The following GLI3 variants were observed in gnomAD, a reference collection of about 807,000 sequenced individuals.
GLI3 encodes transcription activator GLI3.
Under a neutral mutation model 100.8 loss-of-function variants are expected in GLI3, and 20 were observed. The ratio of observed to expected loss-of-function variants is 0.20; its 90% CI spans 0.14 to 0.29. The LOEUF is 0.29. GLI3 is among the 10% of genes least tolerant of loss of function. The pLI, the probability that GLI3 is intolerant of heterozygous loss-of-function variation, is 1.00. For synonymous variants in GLI3, 938 were observed against 860.5 expected (o/e 1.09, Z -1.58); for missense variants, 2,040 against 2,128.5 (o/e 0.96, Z 0.82).
At chr7:42,223,357 A>G (rs1788525555) in intron 1 of GLI3, 62 bp from the exon 2 acceptor site, 3 of 955,994 alleles carry the variant, frequency 3.1e-6, no homozygotes, top group South Asian at 1.4e-5. Flanking sequence ...AAAACTTTCA[A>G]AAGTCCACTT....
intron 3 of GLI3, among the ~76,000 whole-genome samples, chr7:42,133,515 T>G (rs1786346165): frequency 6.6e-6 from 1 of 152,200 alleles, no homozygotes; most frequent in South Asian, 2.1e-4. Context: ...ACAGGAGGGC[T>G]GACACTACAT....
At position 42,110,606 on chromosome 7, in the gene GLI3, C is replaced by A. The variant is rs140208816; in HGVS notation, c.368-33749G>T. Among the ~76,000 whole-genome samples, 10 of 152,340 alleles carry A rather than the reference C, an allele frequency of 6.6e-5. No individual in the cohort carries two copies. The East Asian group carries it at 1.9e-3, about 29-fold the overall frequency. ...CAAAAACACATGCCCTGCACAGCAT[C>A]TACAAAACACAGGAAGCCAACACTT... On this transcript the variant is annotated intron_variant, in intron 3 of 14. Coordinates refer to ENST00000395925, the MANE Select transcript of GLI3 (RefSeq NM_000168.6).
At chr7:41,976,413 T>C (rs1787515620) in intron 12 of GLI3, among the ~76,000 whole-genome samples, 1 of 152,214 alleles carries the variant, frequency 6.6e-6, no homozygotes, top group Non-Finnish European at 1.5e-5. Flanking sequence ...TTAATCCCTT[T>C]AGAGATGTTT....
chr7:42,158,749 C>T (rs28461618), intron 2 of GLI3, among the ~76,000 whole-genome samples: 46,075 of 151,918 alleles, frequency 0.3, 7,157 homozygotes, highest in Non-Finnish European at 0.33. Flanking sequence ...CCTCGGCCTC[C>T]CAAAGTGTGG....
intron 3 of GLI3, among the ~76,000 whole-genome samples, chr7:42,090,541 T>C (rs1785195786): frequency 6.6e-6 from 1 of 152,178 alleles, no homozygotes; most frequent in Admixed American, 6.5e-5. Context: ...AGTCAACAAC[T>C]TTATGTGGGT....
At chr7:42,053,893 A>G (rs1310803175) in intron 4 of GLI3, among the ~76,000 whole-genome samples, 1 of 152,220 alleles carries the variant, frequency 6.6e-6, no homozygotes, top group Non-Finnish European at 1.5e-5. Context: ...TCTGGGCACC[A>G]GAGATTCCCA....
At chr7:42,220,466 C>T (rs1788464376) in intron 2 of GLI3, among the ~76,000 whole-genome samples, 1 of 152,114 alleles carries the variant, frequency 6.6e-6, no homozygotes, top group African/African-American at 2.4e-5. Context: ...TCCTGCACCC[C>T]ACGAGCTCTA....
chr7:42,187,486 A>T (rs1787740343), intron 2 of GLI3, among the ~76,000 whole-genome samples: 1 of 152,072 alleles, frequency 6.6e-6, no homozygotes, highest in African/African-American at 2.4e-5. Context: ...TGGTATTATT[A>T]ATTTTCTAAT....
chr7:42,034,930 C>A (rs192746140), intron 7 of GLI3, among the ~76,000 whole-genome samples: 306 of 152,180 alleles, frequency 2.0e-3, no homozygotes, highest in African/African-American at 7.1e-3. Context: ...ATTTGTGTAG[C>A]CCCCATTCCC....
At position 42,226,110 on chromosome 7, in the gene GLI3, A is replaced by G. The variant is rs188768140; in HGVS notation, c.-42-2815T>C. Among the ~76,000 whole-genome samples the G allele has an allele frequency of 5.7e-3, 874 of 152,316 alleles. 5 individuals are homozygous for G. Among genetic ancestry groups the G allele is most frequent in the African/African-American group, 0.02 (821 of 41,550 alleles). On this transcript the variant is annotated intron_variant, in intron 1 of 14. Coordinates refer to ENST00000395925, the MANE Select transcript of GLI3 (RefSeq NM_000168.6). Reference sequence around the variant, plus strand: ...TAGCAGAAATATTTAATTGATCCAAACACTCCATTCTTAGCCATTGGGATA... The same window carrying G: ...TAGCAGAAATATTTAATTGATCCAAGCACTCCATTCTTAGCCATTGGGATA...
intron 1 of GLI3, among the ~76,000 whole-genome samples, chr7:42,246,101 G>A (rs1035922697): frequency 6.6e-6 from 1 of 152,142 alleles, no homozygotes; most frequent in Non-Finnish European, 1.5e-5. Flanking sequence ...ACTGTGCTAG[G>A]CACCCTCTTC....
chr7:42,171,428 C>T (rs1234138817), intron 2 of GLI3, among the ~76,000 whole-genome samples: 1 of 152,144 alleles, frequency 6.6e-6, no homozygotes, highest in African/African-American at 2.4e-5. Flanking sequence ...GTGAATACAT[C>T]CACAAGTAGA....
intron 4 of GLI3, among the ~76,000 whole-genome samples, chr7:42,056,635 A>T (rs545199214): frequency 1.9e-4 from 29 of 152,240 alleles, no homozygotes; most frequent in African/African-American, 6.7e-4. Context: ...ATGATGAAAC[A>T]TTACTTCAAG....
intron 3 of GLI3, among the ~76,000 whole-genome samples, chr7:42,116,848 TG>T (rs1417011567): frequency 8.0e-6 from 1 of 125,634 alleles, no homozygotes; most frequent in Non-Finnish European, 1.6e-5. Flanking sequence ...CCTCTTATTA[TG>T]GTCTCATAAG....
At chr7:42,220,550 G>C (rs1219114113) in intron 2 of GLI3, among the ~76,000 whole-genome samples, 1 of 152,184 alleles carries the variant, frequency 6.6e-6, no homozygotes, top group Non-Finnish European at 1.5e-5. Context: ...GGCAGCAGGT[G>C]ACCAGGTTGC....
intron 3 of GLI3, among the ~76,000 whole-genome samples, chr7:42,083,054 T>G (rs909254169): frequency 6.6e-6 from 1 of 152,174 alleles, no homozygotes; most frequent in Non-Finnish European, 1.5e-5. Context: ...ACAATCCAAT[T>G]ATACTCTCTT....
intron 4 of GLI3, among the ~76,000 whole-genome samples, chr7:42,053,736 G>A (rs1325297432): frequency 2.6e-5 from 4 of 152,106 alleles, no homozygotes; most frequent in African/African-American, 9.7e-5. Flanking sequence ...CACAAACCAG[G>A]GAGGAAAGAA....
At chr7:42,025,165 G>A (rs1247553930) in intron 9 of GLI3, 99 bp downstream of exon 9, 10 of 787,204 alleles carry the variant, frequency 1.3e-5, no homozygotes, top group South Asian at 2.8e-5. Flanking sequence ...AGGAACTGCC[G>A]TGAAAAAGAC....
intron 2 of GLI3, among the ~76,000 whole-genome samples, chr7:42,189,104 C>T (rs1411974599): frequency 1.3e-5 from 2 of 152,000 alleles, no homozygotes; most frequent in East Asian, 3.9e-4. Flanking sequence ...GGCAGGAAGG[C>T]ATATAAGAAA....
Sources: gnomAD v4.1 joint callset for allele counts (sites outside exome capture counted in the v4.1 genomes callset) on GRCh38, gnomAD v4.1.1 for gene constraint, MANE v1.5 for transcripts, NCBI Gene and HGNC (gene_info 2026-07-23, HGNC 2026-07-21) for gene names.